Variants in CSNK2A1 observed in about 807,000 individuals in gnomAD.
The protein encoded by CSNK2A1 is casein kinase II subunit alpha.
A neutral mutation model predicts 62.9 loss-of-function variants in CSNK2A1; 10 were observed. That is an observed-to-expected ratio of 0.16 (90% CI 0.10 to 0.27). CSNK2A1 has a LOEUF of 0.27. CSNK2A1 is among the 10% of genes least tolerant of loss of function. The pLI is 1.00. For synonymous variants in CSNK2A1, 124 were observed against 167.8 expected, an observed-to-expected ratio of 0.74 and a Z score of 2.02; for missense variants, 160 against 492.0, an observed-to-expected ratio of 0.33 and a Z score of 6.38.
intron 2 of CSNK2A1, among the ~76,000 whole-genome samples, chr20:515,357 G>T (rs1375149828): frequency 6.6e-6 from 1 of 152,164 alleles, no homozygotes; most frequent in Non-Finnish European, 1.5e-5. Context: ...AAATGGCTTT[G>T]AATCATTCAA....
chr20:497,847 C>T, intron 6 of CSNK2A1, 67 bp from the exon 7 acceptor site: 1 of 1,443,670 alleles, frequency 6.9e-7, no homozygotes, highest in Admixed American at 1.8e-5. Flanking sequence ...CCCTCACTCA[C>T]AGTAATTCAA....
At chr20:518,931 T>C (rs1164221336) in intron 2 of CSNK2A1, among the ~76,000 whole-genome samples, 9 of 147,390 alleles carry the variant, frequency 6.1e-5, no homozygotes, top group East Asian at 2.0e-4. Flanking sequence ...TCGTTGGATA[T>C]ACTTTTTTTT....
rs2017779133 is a variant in CSNK2A1, at chr20:472,840, G to C, written c.*11121C>G. 1 of 152,146 alleles carries C rather than the reference G, an allele frequency of 6.6e-6. No homozygotes were observed. The highest frequency in any genetic ancestry group is 6.5e-5 in the Admixed American group (1 of 15,278). The allele number at this position is 152,146 out of a possible 1,614,324, so 9.4% of individuals were successfully genotyped here. On this transcript the variant is annotated 3_prime_UTR_variant, in exon 14 of 14. Transcript: ENST00000217244. ...TCTGAAGCTTTTGCAAAACCTCTCGGCCTTCCAAGAAGGTTTGTGTCTTTC... is the reference window on the plus strand; with the variant it reads ...TCTGAAGCTTTTGCAAAACCTCTCGCCCTTCCAAGAAGGTTTGTGTCTTTC...
At chr20:525,008 G>A (rs1364399255) in intron 2 of CSNK2A1, among the ~76,000 whole-genome samples, 1 of 151,980 alleles carries the variant, frequency 6.6e-6, no homozygotes, top group Admixed American at 6.6e-5. Flanking sequence ...TAGCTACTCA[G>A]AAGGCTGAAG....
At chr20:504,480 G>T (rs1373691698) in intron 4 of CSNK2A1, 2 of 152,106 alleles carry the variant, frequency 1.3e-5, no homozygotes, top group Non-Finnish European at 1.5e-5. Context: ...CCTGTGCATT[G>T]TTTTTTTAAA....
intron 8 of CSNK2A1, among the ~76,000 whole-genome samples, chr20:493,939 G>A (rs1051959857): frequency 2.0e-5 from 3 of 151,746 alleles, no homozygotes; most frequent in Non-Finnish European, 4.4e-5. Flanking sequence ...TTTTATTGCT[G>A]AGAAATACTA....
At chr20:542,434 G>T (rs1386666022) in intron 1 of CSNK2A1, among the ~76,000 whole-genome samples, 1 of 152,146 alleles carries the variant, frequency 6.6e-6, no homozygotes, top group Non-Finnish European at 1.5e-5. Flanking sequence ...TCCCTTCTTA[G>T]TTTTCTTTTT....
chr20:513,572 C>A (rs2018768213), intron 2 of CSNK2A1, among the ~76,000 whole-genome samples: 1 of 152,184 alleles, frequency 6.6e-6, no homozygotes, highest in African/African-American at 2.4e-5. Context: ...CATGACATTA[C>A]AAAATGAGTC....
chr20:523,870 A>G (rs976698140), intron 2 of CSNK2A1, among the ~76,000 whole-genome samples: 3 of 150,716 alleles, frequency 2.0e-5, no homozygotes, highest in African/African-American at 4.9e-5. Flanking sequence ...AAAAAAAAAA[A>G]AAAAAAAAAA....
intron 2 of CSNK2A1, among the ~76,000 whole-genome samples, chr20:518,702 AC>A (rs1212799092): frequency 7.8e-6 from 1 of 127,600 alleles, no homozygotes; most frequent in African/African-American, 3.0e-5. Context: ...GTCCGCCACC[AC>A]GCCCGGCTAA....
At chr20:538,533 T>A (rs981562572) in intron 1 of CSNK2A1, among the ~76,000 whole-genome samples, 1 of 152,240 alleles carries the variant, frequency 6.6e-6, no homozygotes, top group South Asian at 2.1e-4. Flanking sequence ...CCATATTTTA[T>A]GAATCCAATT....
At chr20:488,981 T>A (rs1406712818) in intron 10 of CSNK2A1, 6 of 456,740 alleles carry the variant, frequency 1.3e-5, no homozygotes, top group Non-Finnish European at 2.3e-5. Flanking sequence ...TCTTGAAATG[T>A]CACCCTGGTG....
In CSNK2A1 at chr20:486,438, C is replaced by T. The variant is rs150985783; in HGVS notation, c.998G>A (p.Arg333Gln). The change falls in exon 13 of 14, where the codon CGA becomes CAA. Residue 333 changes from arginine to glutamine, a missense_variant. Physicochemically the swap from Arg to Gln is conservative, Grantham distance 43 (BLOSUM62 1). Coordinates refer to ENST00000217244, the MANE Select transcript of CSNK2A1 (RefSeq NM_177559.3). ...CCCTGGCATGCTAGATGAACCCATT[C>T]GAGCCTGGTCCTTCACAACAGTGTC... ...YFYTVVKDQA[R>Q]MGSSSMPGGS... The T allele has an allele frequency of 3.7e-6, 6 of 1,613,412 alleles. No individual in the cohort carries two copies. The highest frequency in any genetic ancestry group is 2.7e-5 in the African/African-American group (2 of 74,842).
At chr20:525,456 C>G (rs549662039) in intron 2 of CSNK2A1, among the ~76,000 whole-genome samples, 426 of 151,156 alleles carry the variant, frequency 2.8e-3, no homozygotes, top group Admixed American at 3.5e-3. Flanking sequence ...ATCGAGACCA[C>G]CCTGGCTAAC....
intron 2 of CSNK2A1, among the ~76,000 whole-genome samples, chr20:510,719 T>C (rs1213419252): frequency 6.6e-6 from 1 of 152,122 alleles, no homozygotes; most frequent in Non-Finnish European, 1.5e-5. Flanking sequence ...TACTTTTTGT[T>C]GAAATCTTCT....
rs1467534442 is a variant in CSNK2A1, at chr20:508,677, C to T, written c.-109-17G>A. The T allele has an allele frequency of 1.3e-6, 1 of 788,058 alleles. No individual in the cohort carries two copies. Among genetic ancestry groups the T allele is most frequent in the African/African-American group, 1.7e-5 (1 of 57,186 alleles). The allele number at this position is 788,058 out of a possible 1,614,324, so 48.8% of individuals were successfully genotyped here. A position where few individuals can be genotyped will look rare whatever the true frequency, so the allele number is the denominator to read the frequency against. On this transcript the variant is annotated splice_polypyrimidine_tract_variant and intron_variant, in intron 2 of 13. Transcript: ENST00000217244. ...TTCTTCAAACTGCAGAAACAAAATGCACAAAGTCCAAGGAATCATTTACAG... is the reference window on the plus strand; with the variant it reads ...TTCTTCAAACTGCAGAAACAAAATGTACAAAGTCCAAGGAATCATTTACAG...
In CSNK2A1 at chr20:478,160, T is replaced by C. The variant is rs1206516399; in HGVS notation, c.*5801A>G. The stretch of plus-strand genomic sequence containing the variant: ...GACCAGGCTCAGGGGCACTTACAAA[T>C]GTTTGTTGAAACCAAAGACATCCTA... On this transcript the variant is annotated 3_prime_UTR_variant, in exon 14 of 14. Coordinates refer to ENST00000217244, the MANE Select transcript of CSNK2A1 (RefSeq NM_177559.3). The C allele has an allele frequency of 2.6e-5, 4 of 152,556 alleles. No homozygotes were observed. The highest frequency in any genetic ancestry group is 1.5e-5 in the Non-Finnish European group (1 of 68,180). 9.5% of individuals were successfully genotyped at this position (152,556 alleles called of 1,614,324 possible).
intron 1 of CSNK2A1, among the ~76,000 whole-genome samples, chr20:542,263 C>T (rs746991942): frequency 6.6e-6 from 1 of 152,170 alleles, no homozygotes; most frequent in Non-Finnish European, 1.5e-5. Context: ...TACCATCATC[C>T]CCCTTTTACA....
At chr20:485,848 T>C (rs2018086026) in intron 13 of CSNK2A1, among the ~76,000 whole-genome samples, 1 of 152,272 alleles carries the variant, frequency 6.6e-6, no homozygotes, top group South Asian at 2.1e-4. Context: ...TCTTATGCTA[T>C]GTGCCTGTAG....
Sources: allele counts gnomAD v4.1 joint callset (sites outside exome capture counted in the v4.1 genomes callset), GRCh38; gene constraint gnomAD v4.1.1; transcripts MANE v1.5; gene names NCBI Gene and HGNC (gene_info 2026-07-23, HGNC 2026-07-21).